The following AOC1 variants were observed in gnomAD, a reference collection of about 807,000 sequenced individuals.
The protein encoded by AOC1 is amine oxidase copper containing 1, also known as diamine oxidase [copper-containing].
A neutral mutation model predicts 57.1 loss-of-function variants in AOC1; 58 were observed. The ratio of observed to expected loss-of-function variants is 1.02; its 90% CI spans 0.82 to 1.26. The LOEUF is 1.26. AOC1 is among the 50% of genes most tolerant of loss of function. The pLI is 0.00. For synonymous variants in AOC1, 401 were observed against 423.4 expected (o/e 0.95, Z 0.65); for missense variants, 917 against 1,005.3 (o/e 0.91, Z 1.19).
At position 150,857,396 on chromosome 7, in the gene AOC1, G is replaced by C. The variant is rs200005221; in HGVS notation, c.926G>C (p.Arg309Pro). The change falls in exon 2 of 5, where the codon CGC becomes CCC. Residue 309 changes from arginine to proline, a missense_variant. Coordinates refer to ENST00000360937, the MANE Select transcript of AOC1 (RefSeq NM_001091.4). The surrounding 1 kb of genome is among the most constrained non-coding windows in gnomAD (Gnocchi z 6.6). The part of the protein sequence containing the change: ...GPRLVQPHGP[R>P]FRLEGNAVLY... Reference sequence around the variant, plus strand: ...CGCTTGGTCCAGCCCCACGGCCCTCGCTTCAGGCTGGAGGGCAACGCTGTG... The same window carrying C: ...CGCTTGGTCCAGCCCCACGGCCCTCCCTTCAGGCTGGAGGGCAACGCTGTG... 3.0e-4 allele frequency: 484 copies of C among 1,610,078 alleles called. 3 individuals are homozygous for C. The highest frequency in any genetic ancestry group is 3.2e-4 in the Non-Finnish European group (375 of 1,178,446).
In AOC1 at chr7:150,856,113, G is replaced by T. The variant is rs1268648045; in HGVS notation, c.-16-342G>T. On this transcript the variant is annotated intron_variant, in intron 1 of 4. Coordinates refer to ENST00000360937, the MANE Select transcript of AOC1 (RefSeq NM_001091.4). This position sits in a 1 kb window ranked among gnomAD's most constrained non-coding sequence, Gnocchi z 5.2. Reference sequence around the variant, plus strand: ...CTCCAGGACACAAGAAGCACCTGGGGGCATGTGCAGGGGCCCAGCCTGGCC... The same window carrying T: ...CTCCAGGACACAAGAAGCACCTGGGTGCATGTGCAGGGGCCCAGCCTGGCC... Among the ~76,000 whole-genome samples, 2 of 152,176 alleles carry T rather than the reference G, an allele frequency of 1.3e-5. No homozygotes were observed. Among genetic ancestry groups the T allele is most frequent in the East Asian group, 3.8e-4 (2 of 5,198 alleles).
At position 150,856,518 on chromosome 7, in the gene AOC1, G is replaced by A. The variant is rs374700351; in HGVS notation, c.48G>A (p.Thr16=). Residue 16 remains threonine, a synonymous_variant, in exon 2 of 5, where the codon ACG becomes ACA. Transcript: ENST00000360937. The surrounding 1 kb of genome is among the most constrained non-coding windows in gnomAD (Gnocchi z 5.2). ...TGGCTGCCATCCTGATGCTGCAGAC[G>A]GCCATGGCGGAGCCCTCCCCGGGGA... The part of the protein sequence containing the change: ...WAVAAILMLQ[T]AMAEPSPGTL... 1.8e-5 allele frequency: 29 copies of A among 1,613,920 alleles called. 1 individual carries two copies. The highest frequency in any genetic ancestry group is 1.6e-4 in the Middle Eastern group (1 of 6,084).
Position 150,861,027 on chromosome 7 carries a change from G to A in AOC1, c.2074G>A (p.Val692Met), listed in dbSNP as rs201551770. 320 of 1,613,894 alleles carry A rather than the reference G, an allele frequency of 2.0e-4. 2 individuals carry two copies. Among genetic ancestry groups the A allele is most frequent in the Middle Eastern group, 1.6e-4 (1 of 6,084 alleles). The change falls in exon 5 of 5, where the codon GTG becomes ATG. Residue 692 changes from valine (V) to methionine (M), a missense_variant. Coordinates refer to ENST00000360937, the MANE Select transcript of AOC1 (RefSeq NM_001091.4). The surrounding 1 kb of genome is among the most constrained non-coding windows in gnomAD (Gnocchi z 4.5). The part of the protein sequence containing the change: ...IPNTATPGNS[V>M]GFLLRPFNFF... ...CAACACAGCCACACCTGGGAACTCC[G>A]TGGGCTTCCTGCTCCGGCCATTCAA...
rs376640757 is a variant in AOC1, at chr7:150,858,030, G to A, written c.1560G>A (p.Leu520=). 3.3e-6 allele frequency: 5 copies of A among 1,515,444 alleles called. No homozygotes were observed. The Admixed American group carries it at 6.3e-5, about 19-fold the overall frequency. 93.9% of individuals were successfully genotyped at this position (1,515,444 alleles called of 1,614,324 possible). A position where few individuals can be genotyped will look rare whatever the true frequency, so the allele number is the denominator to read the frequency against. The change falls in exon 2 of 5, where the codon CTG becomes CTA. Residue 520 remains leucine (L), a synonymous_variant. Transcript: ENST00000360937. ...ACTTGGTGCACTACCGCGTAGACCT[G>A]GATGTGGCAGGTAGGACTCAAAGCG... The part of the protein sequence containing the change: ...HTHLVHYRVD[L]DVAGTKNSFQ...
intron 1 of AOC1, among the ~76,000 whole-genome samples, chr7:150,855,354 A>G (rs769504740): frequency 2.0e-5 from 3 of 152,196 alleles, no homozygotes; most frequent in African/African-American, 4.8e-5. Flanking sequence ...CAACAGCGCA[A>G]CAGGCAAGAG....
At position 150,861,007 on chromosome 7, in the gene AOC1, C is replaced by T; in HGVS notation, c.2054C>T (p.Thr685Ile). ...CCCCACTCAGAGGACATTCCCAACACAGCCACACCTGGGAACTCCGTGGGC... is the reference window on the plus strand; with the variant it reads ...CCCCACTCAGAGGACATTCCCAACATAGCCACACCTGGGAACTCCGTGGGC... Reference protein sequence around the residue: ...HIPHSEDIPNTATPGNSVGFL... With the variant: ...HIPHSEDIPNIATPGNSVGFL... The change falls in exon 5 of 5, where the codon ACA becomes ATA. Residue 685 changes from threonine to isoleucine, a missense_variant. By Grantham distance (89) the Thr-to-Ile change is moderately conservative. Coordinates refer to ENST00000360937, the MANE Select transcript of AOC1 (RefSeq NM_001091.4). The surrounding 1 kb of genome is among the most constrained non-coding windows in gnomAD (Gnocchi z 4.5). 2 of 1,614,036 alleles carry T rather than the reference C, an allele frequency of 1.2e-6. No homozygotes were observed. The highest frequency in any genetic ancestry group is 1.7e-6 in the Non-Finnish European group (2 of 1,179,972).
chr7:150,856,874 A>G lies in AOC1; in HGVS notation c.404A>G (p.Gln135Arg). 6.2e-7 allele frequency: 1 copy of G among 1,614,056 alleles called. No homozygotes were observed. The stretch of plus-strand genomic sequence containing the variant: ...GCACTGTCCCCCAGGCCTGGGTACC[A>G]GTCCTCCTGGGCATCGAGGCCCATC... Reference protein sequence around the residue: ...MRALSPRPGYQSSWASRPIST... With the variant: ...MRALSPRPGYRSSWASRPIST... Residue 135 changes from glutamine to arginine, a missense_variant, in exon 2 of 5, where the codon CAG becomes CGG. By Grantham distance (43) the Gln-to-Arg change is conservative. Transcript: ENST00000360937. This position sits in a 1 kb window ranked among gnomAD's most constrained non-coding sequence, Gnocchi z 5.2.
Position 150,860,603 on chromosome 7 carries a change from T to C in AOC1, c.1959T>C (p.Phe653=), listed in dbSNP as rs1488142952. 6.2e-7 allele frequency: 1 copy of C among 1,613,886 alleles called. No homozygotes were observed. The highest frequency in any genetic ancestry group is 1.7e-5 in the Admixed American group (1 of 59,992). The change falls in exon 4 of 5, where the codon TTT becomes TTC. Residue 653 remains phenylalanine, a synonymous_variant. Coordinates refer to ENST00000360937, the MANE Select transcript of AOC1 (RefSeq NM_001091.4). ...PWHPPVVFEQ[F]LHNNENIENE... Reference sequence around the variant, plus strand: ...ACCCGCCCGTGGTCTTTGAGCAGTTTCTTCACAACAACGAGAACATTGAAA... The same window carrying C: ...ACCCGCCCGTGGTCTTTGAGCAGTTCCTTCACAACAACGAGAACATTGAAA...
In AOC1 at chr7:150,861,384, A is replaced by C; in HGVS notation, c.*175A>C. On this transcript the variant is annotated 3_prime_UTR_variant, in exon 5 of 5. Transcript: ENST00000360937. The surrounding 1 kb of genome is among the most constrained non-coding windows in gnomAD (Gnocchi z 4.5). Reference sequence around the variant, plus strand: ...CACACACAGACGTGCACACACACACAGACATGCACACACACACAGACGTGC... The same window carrying C: ...CACACACAGACGTGCACACACACACCGACATGCACACACACACAGACGTGC... 1.5e-6 allele frequency: 1 copy of C among 678,996 alleles called. No homozygotes were observed. Among genetic ancestry groups the C allele is most frequent in the South Asian group, 2.6e-5 (1 of 38,910 alleles). The allele number at this position is 678,996 out of a possible 1,614,324, so 42.1% of individuals were successfully genotyped here.
rs942811532 is a variant in AOC1, at chr7:150,860,652, C to T, written c.1989+19C>T. ...AAATGAGGTACTGCCCTGTCCCCAGCCCTGCCCGGTGCTGGCCCTGCCTCC... is the reference window on the plus strand; with the variant it reads ...AAATGAGGTACTGCCCTGTCCCCAGTCCTGCCCGGTGCTGGCCCTGCCTCC... On this transcript the variant is annotated intron_variant, in intron 4 of 4. Coordinates refer to ENST00000360937, the MANE Select transcript of AOC1 (RefSeq NM_001091.4). The T allele has an allele frequency of 1.2e-6, 2 of 1,611,760 alleles. No homozygotes were observed. Among genetic ancestry groups the T allele is most frequent in the African/African-American group, 1.3e-5 (1 of 74,858 alleles).
At chr7:150,852,446 G>T (rs1286498975), upstream of AOC1, 1 of 152,580 alleles carries the variant, frequency 6.6e-6, no homozygotes. The surrounding 1 kb of genome is among the most constrained non-coding windows in gnomAD (Gnocchi z 4.6). Flanking sequence ...GCCAGCTCAG[G>T]CCTCACCTTG....
chr7:150,853,691 A>ATT (rs1336736938), intron 1 of AOC1, among the ~76,000 whole-genome samples: 10 of 24,548 alleles, frequency 4.1e-4, no homozygotes, highest in African/African-American at 9.2e-4. Flanking sequence ...ATATATATAT[A>ATT]TATATATTTA....
In AOC1 at chr7:150,858,812, C is replaced by T. The variant is rs576432941; in HGVS notation, c.1620C>T (p.Thr540=). Residue 540 remains threonine (T), a synonymous_variant, in exon 3 of 5, where the codon ACC becomes ACT. Transcript: ENST00000360937. Reference sequence around the variant, plus strand: ...TGCAGATGAAGCTAGAAAACATCACCAACCCCTGGAGCCCAAGACACCGCG... The same window carrying T: ...TGCAGATGAAGCTAGAAAACATCACTAACCCCTGGAGCCCAAGACACCGCG... ...QTLQMKLENI[T]NPWSPRHRVV... 8 of 1,612,470 alleles carry T rather than the reference C, an allele frequency of 5.0e-6. No homozygotes were observed. The Admixed American group carries it at 8.3e-5, about 17-fold the overall frequency.
intron 1 of AOC1, among the ~76,000 whole-genome samples, chr7:150,855,046 A>G (rs1223453258): frequency 6.6e-6 from 1 of 150,450 alleles, no homozygotes; most frequent in East Asian, 1.9e-4. Context: ...AAATATGAAA[A>G]CAAGGATCTC....
Position 150,856,869 on chromosome 7 carries a change from G to A in AOC1, c.399G>A (p.Gly133=). 1.2e-6 allele frequency: 2 copies of A among 1,614,044 alleles called. No homozygotes were observed. The highest frequency in any genetic ancestry group is 1.7e-6 in the Non-Finnish European group (2 of 1,179,962). Residue 133 remains glycine, a synonymous_variant, in exon 2 of 5, where the codon GGG becomes GGA. Transcript: ENST00000360937. This position sits in a 1 kb window ranked among gnomAD's most constrained non-coding sequence, Gnocchi z 5.2. ...TGCGAGCACTGTCCCCCAGGCCTGG[G>A]TACCAGTCCTCCTGGGCATCGAGGC... ...CYMRALSPRP[G]YQSSWASRPI...
Position 150,854,360 on chromosome 7 carries a change from G to A in AOC1, c.-17+1802G>A, listed in dbSNP as rs564840165. On this transcript the variant is annotated intron_variant, in intron 1 of 4. Coordinates refer to ENST00000360937, the MANE Select transcript of AOC1 (RefSeq NM_001091.4). ...AGGACATCTCAGATCAGCCTTTACC[G>A]TGGCCTCCAGGGCTAGAGAGCCCTC... is the stretch of plus-strand genomic sequence containing the variant. 2.9e-4 allele frequency among the ~76,000 whole-genome samples: 44 copies of A among 152,236 alleles called. 1 individual carries two copies. Among genetic ancestry groups the A allele is most frequent in the African/African-American group, 9.4e-4 (39 of 41,554 alleles).
At chr7:150,855,575 T>TA (rs1313791423) in intron 1 of AOC1, among the ~76,000 whole-genome samples, 1 of 151,968 alleles carries the variant, frequency 6.6e-6, no homozygotes, top group Non-Finnish European at 1.5e-5. Flanking sequence ...GGTCCCCTCC[T>TA]AGTAGCCTTG....
Position 150,857,827 on chromosome 7 carries a change from C to T in AOC1, c.1357C>T (p.Arg453Trp), listed in dbSNP as rs760642299. 7.4e-6 allele frequency: 12 copies of T among 1,614,016 alleles called. No homozygotes were observed. The highest frequency in any genetic ancestry group is 1.0e-5 in the Non-Finnish European group (12 of 1,179,970). ...GCTGAAGGGCCAGGTGCTGGTGCTG[C>T]GGACAACTTCAACTGTCTACAATTA... ...AGLKGQVLVLRTTSTVYNYDY... is the reference protein window; with the variant it reads ...AGLKGQVLVLWTTSTVYNYDY... Residue 453 changes from arginine (R) to tryptophan (W), a missense_variant, in exon 2 of 5, where the codon CGG (arginine) becomes TGG (tryptophan). Arg to Trp is a moderately radical substitution (Grantham distance 101). Coordinates refer to ENST00000360937, the MANE Select transcript of AOC1 (RefSeq NM_001091.4). The surrounding 1 kb of genome is among the most constrained non-coding windows in gnomAD (Gnocchi z 6.6).
intron 3 of AOC1, 54 bp downstream of exon 3, chr7:150,859,102 G>A (rs1799886104): frequency 1.4e-6 from 2 of 1,462,904 alleles, no homozygotes; most frequent in Admixed American, 2.6e-5. Context: ...CTCAGTGTGT[G>A]TGTCTGTGTC....
Sources: gnomAD v4.1 joint callset for allele counts (sites outside exome capture counted in the v4.1 genomes callset) on GRCh38, gnomAD v4.1.1 for gene constraint, Gnocchi (gnomAD v3.1) non-coding constraint, MANE v1.5 for transcripts, NCBI Gene and HGNC (gene_info 2026-07-23, HGNC 2026-07-21) for gene names.